SNTG2: variants seen among roughly 807,000 people sequenced by gnomAD.
SNTG2 encodes the protein gamma-2-syntrophin.
Under a neutral mutation model 70.9 loss-of-function variants are expected in SNTG2, and 74 were observed. That is an observed-to-expected ratio of 1.04 (90% CI 0.86 to 1.27). The LOEUF (loss-of-function observed/expected upper bound fraction) is 1.27, where lower values mean the gene tolerates loss of function less well. SNTG2 is among the 50% of genes most tolerant of loss of function. SNTG2 has a pLI of 0.00. For synonymous variants in SNTG2, 278 were observed against 273.8 expected, an observed-to-expected ratio of 1.02 and a Z score of -0.15; for missense variants, 717 against 690.7, an observed-to-expected ratio of 1.04 and a Z score of -0.43.
At chr2:975,690 A>G (rs1365992803) in intron 1 of SNTG2, among the ~76,000 whole-genome samples, 1 of 152,262 alleles carries the variant, frequency 6.6e-6, no homozygotes, top group African/African-American at 2.4e-5. Context: ...TCTAAGCATA[A>G]TTGAAGACTG....
chr2:1,306,283 G>A (rs1363434445), intron 14 of SNTG2, among the ~76,000 whole-genome samples: 1 of 152,100 alleles, frequency 6.6e-6, no homozygotes, highest in Non-Finnish European at 1.5e-5. Flanking sequence ...CGTTTATCCT[G>A]GAAGGGTCAG....
At chr2:1,149,903 T>C (rs183882027) in intron 6 of SNTG2, among the ~76,000 whole-genome samples, 158 of 151,782 alleles carry the variant, frequency 1.0e-3, no homozygotes, top group Middle Eastern at 3.4e-3. Flanking sequence ...TTAGCCAGGA[T>C]GGTCTCAATC....
rs113599482 is a variant in SNTG2, at chr2:1,097,577, A to G, written c.211-619A>G. 2.5e-3 allele frequency among the ~76,000 whole-genome samples: 379 copies of G among 152,298 alleles called. No individual in the cohort carries two copies. The highest frequency in any genetic ancestry group is 8.7e-3 in the African/African-American group (363 of 41,582). On this transcript the variant is annotated intron_variant, in intron 2 of 16. Coordinates refer to ENST00000308624, the MANE Select transcript of SNTG2 (RefSeq NM_018968.4). The surrounding 1 kb of genome is among the most constrained non-coding windows in gnomAD (Gnocchi z 4.1). ...TTAGACCACAGCAAAACATAGGTGC[A>G]TGGCTTAATGCGCAAGAGATTTGGA...
rs1368065898 is a variant in SNTG2 at position 1,259,412 on chromosome 2, CT to C, written c.1049del (p.Leu350ProfsTer132). On this transcript the variant is annotated frameshift_variant, in exon 13 of 17. Transcript: ENST00000308624. LOFTEE classifies it high-confidence loss of function. The part of the protein sequence containing the change: ...DWVRAERTYH[L>X]CEVLFKVHKF... The stretch of plus-strand genomic sequence containing the variant: ...GGTGCGAGCAGAAAGGACCTATCAC[CT>C]CTGTGAGGTGCTATTTAAAGTTCAC... The C allele has an allele frequency of 6.2e-7, 1 of 1,613,870 alleles. No individual in the cohort carries two copies. Among genetic ancestry groups the C allele is most frequent in the Non-Finnish European group, 8.5e-7 (1 of 1,179,862 alleles).
At chr2:1,153,478 GA>G (rs1439499198) in intron 6 of SNTG2, among the ~76,000 whole-genome samples, 1 of 152,202 alleles carries the variant, frequency 6.6e-6, no homozygotes, top group Non-Finnish European at 1.5e-5. Context: ...GAATTATAAA[GA>G]AAATATTATA....
chr2:1,046,498 C>A, intron 1 of SNTG2, among the ~76,000 whole-genome samples: 1 of 152,090 alleles, frequency 6.6e-6, no homozygotes, highest in African/African-American at 2.4e-5. Context: ...CAGTAACAAC[C>A]TTTTGTTTCC....
intron 8 of SNTG2, among the ~76,000 whole-genome samples, chr2:1,203,624 A>G (rs1164968020): frequency 6.6e-6 from 1 of 151,290 alleles, no homozygotes; most frequent in Admixed American, 6.6e-5. Context: ...ATTGCACTCC[A>G]GTCTGTGCAA....
At chr2:1,005,278 A>G (rs752827265) in intron 1 of SNTG2, among the ~76,000 whole-genome samples, 1 of 152,184 alleles carries the variant, frequency 6.6e-6, no homozygotes, top group Non-Finnish European at 1.5e-5. Flanking sequence ...CCAAATCCAC[A>G]GAATGCACAA....
chr2:1,189,262 A>C (rs1411713616), intron 8 of SNTG2, among the ~76,000 whole-genome samples: 1 of 152,212 alleles, frequency 6.6e-6, no homozygotes, highest in Non-Finnish European at 1.5e-5. Context: ...TACCATATCA[A>C]TGGATAGAAA....
At chr2:1,092,680 G>C (rs910540002) in intron 2 of SNTG2, among the ~76,000 whole-genome samples, 12 of 152,336 alleles carry the variant, frequency 7.9e-5, no homozygotes, top group African/African-American at 2.9e-4. Flanking sequence ...CAATGTTTTA[G>C]AAGACCAGAA....
At chr2:1,227,773 A>G (rs1675891859) in intron 9 of SNTG2, among the ~76,000 whole-genome samples, 1 of 152,220 alleles carries the variant, frequency 6.6e-6, no homozygotes, top group African/African-American at 2.4e-5. Context: ...TTTACAGTCA[A>G]CTTGTATAAA....
At chr2:1,266,864 C>T (rs1414110244) in intron 13 of SNTG2, among the ~76,000 whole-genome samples, 1 of 150,208 alleles carries the variant, frequency 6.7e-6, no homozygotes, top group Non-Finnish European at 1.5e-5. Context: ...AGCCGTTCTA[C>T]TACCTCAGCC....
intron 14 of SNTG2, among the ~76,000 whole-genome samples, chr2:1,304,231 G>A (rs190688505): frequency 7.9e-5 from 12 of 152,290 alleles, no homozygotes; most frequent in East Asian, 1.9e-4. Context: ...GCAGATGCAC[G>A]CCTGCTGTTA....
intron 12 of SNTG2, among the ~76,000 whole-genome samples, chr2:1,258,226 C>A (rs1247665472): frequency 6.6e-6 from 1 of 152,166 alleles, no homozygotes; most frequent in Non-Finnish European, 1.5e-5. Flanking sequence ...GGCTCCCCAG[C>A]TCTCAAGAGA....
At chr2:1,260,755 T>G (rs2148167412) in intron 13 of SNTG2, among the ~76,000 whole-genome samples, 1 of 152,266 alleles carries the variant, frequency 6.6e-6, no homozygotes, top group East Asian at 1.9e-4. Flanking sequence ...GATATGCAGG[T>G]CATTTCATCC....
At chr2:1,192,970 C>G (rs1403266229) in intron 8 of SNTG2, among the ~76,000 whole-genome samples, 4 of 152,198 alleles carry the variant, frequency 2.6e-5, no homozygotes, top group Admixed American at 6.5e-5. Context: ...GCAGGTCAGC[C>G]TCTGTGTTCA....
At chr2:1,292,758 T>C (rs1680042888) in intron 14 of SNTG2, among the ~76,000 whole-genome samples, 1 of 152,218 alleles carries the variant, frequency 6.6e-6, no homozygotes, top group Non-Finnish European at 1.5e-5. Flanking sequence ...TAGTATTTTG[T>C]TGAGATTTTT....
intron 13 of SNTG2, among the ~76,000 whole-genome samples, chr2:1,266,765 T>TTTTTTTTTTC (rs1205925490): frequency 1.3e-5 from 2 of 149,034 alleles, no homozygotes; most frequent in South Asian, 2.2e-4. Context: ...TTTTTTTTTT[T>TTTTTTTTTTC]CTTGAGACAG....
Position 1,097,137 on chromosome 2 carries a change from A to AT in SNTG2, c.211-1054dup, listed in dbSNP as rs1665443599. Among the ~76,000 whole-genome samples, 1 of 152,246 alleles carries AT rather than the reference A, an allele frequency of 6.6e-6. No individual in the cohort carries two copies. The highest frequency in any genetic ancestry group is 2.4e-5 in the African/African-American group (1 of 41,532). On this transcript the variant is annotated intron_variant, in intron 2 of 16. Coordinates refer to ENST00000308624, the MANE Select transcript of SNTG2 (RefSeq NM_018968.4). The surrounding 1 kb of genome is among the most constrained non-coding windows in gnomAD (Gnocchi z 4.1). ...CTTTAACACAGGTATATTTGCTCTAATTTTTGGTTTCTTTCCTTTGAGTTT... is the reference window on the plus strand; with the variant it reads ...CTTTAACACAGGTATATTTGCTCTAATTTTTTGGTTTCTTTCCTTTGAGTTT...
Sources: gnomAD v4.1 joint callset for allele counts (sites outside exome capture counted in the v4.1 genomes callset) on GRCh38, gnomAD v4.1.1 for gene constraint, Gnocchi (gnomAD v3.1) non-coding constraint, MANE v1.5 for transcripts, NCBI Gene and HGNC (gene_info 2026-07-23, HGNC 2026-07-21) for gene names.